The following OR9Q1 variants were observed in gnomAD, a reference collection of about 807,000 sequenced individuals.
The protein encoded by OR9Q1 is olfactory receptor family 9 subfamily Q member 1.
For missense variants in OR9Q1, 374 were observed against 378.8 expected (o/e 0.99, Z 0.11); for synonymous variants, 153 against 148.6 (o/e 1.03, Z -0.22).
chr11:58,113,206 T>A (rs1313555968), intron 2 of OR9Q1, among the ~76,000 whole-genome samples: 1 of 152,122 alleles, frequency 6.6e-6, no homozygotes, highest in Non-Finnish European at 1.5e-5. Flanking sequence ...TTAAAGAAAA[T>A]TTTAATGCAC....
intron 2 of OR9Q1, among the ~76,000 whole-genome samples, chr11:58,164,791 G>T (rs1038471101): frequency 2.0e-5 from 3 of 152,076 alleles, no homozygotes; most frequent in Non-Finnish European, 4.4e-5. Context: ...TTCCTTGGTC[G>T]CATGCTTGTT....
chr11:58,133,717 C>T (rs945076861), intron 2 of OR9Q1, among the ~76,000 whole-genome samples: 5 of 152,154 alleles, frequency 3.3e-5, no homozygotes, highest in Admixed American at 2.0e-4. Context: ...GAGCAAGCAG[C>T]AACTCTTATT....
intron 2 of OR9Q1, among the ~76,000 whole-genome samples, chr11:58,082,390 T>C (rs1319716531): frequency 6.6e-6 from 1 of 151,898 alleles, no homozygotes; most frequent in African/African-American, 2.4e-5. Flanking sequence ...ATGAGGCACA[T>C]ATACACCATG....
chr11:58,140,662 C>A (rs1331577685), intron 2 of OR9Q1, among the ~76,000 whole-genome samples: 1 of 152,172 alleles, frequency 6.6e-6, no homozygotes, highest in Non-Finnish European at 1.5e-5. Context: ...GTTTTGGTAC[C>A]AGTACCATGC....
chr11:58,033,106 CAG>C (rs1269736609), intron 1 of OR9Q1, among the ~76,000 whole-genome samples: 4 of 152,110 alleles, frequency 2.6e-5, no homozygotes, highest in Non-Finnish European at 4.4e-5. Context: ...CAAAAAATAA[CAG>C]ATGTTGGAGA....
chr11:58,048,624 G>A (rs988556066), intron 1 of OR9Q1, among the ~76,000 whole-genome samples: 2 of 148,254 alleles, frequency 1.3e-5, no homozygotes, highest in African/African-American at 2.5e-5. Context: ...AGCTGAGATC[G>A]CACCACTGCA....
intron 2 of OR9Q1, among the ~76,000 whole-genome samples, chr11:58,178,130 T>G (rs1243426735): frequency 6.6e-6 from 1 of 151,990 alleles, no homozygotes; most frequent in Non-Finnish European, 1.5e-5. Flanking sequence ...GAAAGGAACA[T>G]GAAGAAATAA....
intron 2 of OR9Q1, among the ~76,000 whole-genome samples, chr11:58,069,249 G>A (rs1258847657): frequency 1.3e-5 from 2 of 152,140 alleles, no homozygotes; most frequent in African/African-American, 4.8e-5. Flanking sequence ...CAGCTTCATA[G>A]CAGACTTGAG....
chr11:58,057,740 C>A (rs886874955), intron 2 of OR9Q1: 1 of 152,176 alleles, frequency 6.6e-6, no homozygotes, highest in African/African-American at 2.4e-5. Flanking sequence ...TTGGTGATCT[C>A]CCTGCTTCGT....
chr11:58,073,233 T>A, intron 2 of OR9Q1: 1 of 226,432 alleles, frequency 4.4e-6, no homozygotes, highest in South Asian at 8.5e-5. Context: ...ATTTTGACAG[T>A]GTATGACTCA....
intron 2 of OR9Q1, among the ~76,000 whole-genome samples, chr11:58,127,055 T>C (rs1181542446): frequency 2.0e-5 from 3 of 152,206 alleles, no homozygotes; most frequent in East Asian, 1.9e-4. Context: ...GTTCAAGCGA[T>C]TCTCTCACCT....
chr11:58,080,546 A>G (rs1853577968), intron 2 of OR9Q1, among the ~76,000 whole-genome samples: 1 of 152,130 alleles, frequency 6.6e-6, no homozygotes, highest in African/African-American at 2.4e-5. Context: ...TTCTATTTTT[A>G]GTTCCTTAAG....
chr11:58,122,962 G>GT (rs57528065), intron 2 of OR9Q1, among the ~76,000 whole-genome samples: 40,004 of 144,792 alleles, frequency 0.28, 5,633 homozygotes, highest in Middle Eastern at 0.42. Flanking sequence ...GGTAAATTTT[G>GT]TTTTTTTTTT....
At chr11:58,081,187 T>C (rs1408347247) in intron 2 of OR9Q1, among the ~76,000 whole-genome samples, 1 of 152,242 alleles carries the variant, frequency 6.6e-6, no homozygotes, top group East Asian at 1.9e-4. Context: ...ATGGTGTATA[T>C]GTGCCACATT....
intron 2 of OR9Q1, among the ~76,000 whole-genome samples, chr11:58,163,721 T>G (rs1425192022): frequency 1.3e-5 from 2 of 152,226 alleles, no homozygotes; most frequent in Non-Finnish European, 2.9e-5. Flanking sequence ...GTGGATCAGT[T>G]TCCATTCTAC....
chr11:58,158,848 A>G (rs1854432531), intron 2 of OR9Q1, among the ~76,000 whole-genome samples: 1 of 152,222 alleles, frequency 6.6e-6, no homozygotes, highest in Non-Finnish European at 1.5e-5. Context: ...CAAAGGAATC[A>G]ATTCTTCAGG....
In OR9Q1 at chr11:58,037,894, G is replaced by GT. The variant is rs58955805; in HGVS notation, c.-93+13808dup. ...CCACCACGCCTGGCTAATTTTTTTTGTTTTTTTTTTTTTTTTTTAGTAGAG... is the reference window on the plus strand; with the variant it reads ...CCACCACGCCTGGCTAATTTTTTTTGTTTTTTTTTTTTTTTTTTTAGTAGAG... On this transcript the variant is annotated intron_variant, in intron 1 of 2. Transcript: ENST00000335397. Among the ~76,000 whole-genome samples, 291 of 97,802 alleles carry GT rather than the reference G, an allele frequency of 3.0e-3. 2 individuals are homozygous for GT. The highest frequency in any genetic ancestry group is 9.6e-3 in the African/African-American group (260 of 27,198). The allele number at this position is 97,802 out of a possible 152,430, so 64.2% of individuals were successfully genotyped here.
In OR9Q1 at chr11:58,180,042, A is replaced by G. The variant is rs1388190140; in HGVS notation, c.598A>G (p.Ile200Val). ...GAGCTACACTCAAGAAGTGCTGATT[A>G]TTATGTTTGCCATTTTTGTCATCCC... ...GESYTQEVLI[I>V]MFAIFVIPAS... The change falls in exon 3 of 3, where the codon ATT becomes GTT. Residue 200 changes from isoleucine (I) to valine (V), a missense_variant. Transcript: ENST00000335397. 1.2e-6 allele frequency: 2 copies of G among 1,614,078 alleles called. No individual in the cohort carries two copies. Among genetic ancestry groups the G allele is most frequent in the Admixed American group, 3.3e-5 (2 of 60,002 alleles).
chr11:58,068,268 A>G (rs1853449383), intron 2 of OR9Q1, among the ~76,000 whole-genome samples: 1 of 151,804 alleles, frequency 6.6e-6, no homozygotes, highest in Non-Finnish European at 1.5e-5. Context: ...GAATCACTTG[A>G]ACCTGGGAGG....
Sources: allele counts gnomAD v4.1 joint callset (sites outside exome capture counted in the v4.1 genomes callset), GRCh38; gene constraint gnomAD v4.1.1; transcripts MANE v1.5; gene names NCBI Gene and HGNC (gene_info 2026-07-23, HGNC 2026-07-21).